Variants in KPNA3 observed in about 807,000 individuals in gnomAD.
KPNA3 encodes karyopherin subunit alpha 3, also known as importin subunit alpha-4.
A neutral mutation model predicts 73.8 loss-of-function variants in KPNA3; 13 were observed. The observed-to-expected ratio is 0.18, with a 90% CI of 0.11 to 0.28. KPNA3 has a LOEUF of 0.28. Among genes scored for constraint, KPNA3 ranks in the 10% least tolerant of loss-of-function variants. KPNA3 has a pLI of 1.00. For missense variants in KPNA3, 360 were observed against 618.1 expected (o/e 0.58, Z 4.43); for synonymous variants, 186 against 206.9 (o/e 0.90, Z 0.87).
chr13:49,734,266 C>CTCAATATAT (rs1407724806), intron 2 of KPNA3, among the ~76,000 whole-genome samples: 18 of 152,298 alleles, frequency 1.2e-4, no homozygotes, highest in African/African-American at 4.3e-4. Flanking sequence ...TTCTTTTATA[C>CTCAATATAT]TCAATATATT....
intron 1 of KPNA3, among the ~76,000 whole-genome samples, chr13:49,762,286 T>TG (rs1264509443): frequency 3.4e-5 from 5 of 147,004 alleles, no homozygotes; most frequent in Non-Finnish European, 3.0e-5. Context: ...GTCCGGGAGG[T>TG]GGGGGGTGCC....
At chr13:49,785,559 C>A (rs1473062975) in intron 1 of KPNA3, among the ~76,000 whole-genome samples, 1 of 152,126 alleles carries the variant, frequency 6.6e-6, no homozygotes, top group East Asian at 1.9e-4. Flanking sequence ...AGTCCCCGCA[C>A]ATTGAAATGA....
intron 12 of KPNA3, among the ~76,000 whole-genome samples, chr13:49,709,354 T>C (rs1238672788): frequency 1.4e-5 from 2 of 146,592 alleles, no homozygotes; most frequent in Non-Finnish European, 3.0e-5. Flanking sequence ...TGAGCCGAGA[T>C]CGTGCCACTG....
At chr13:49,776,984 T>C (rs1202467106) in intron 1 of KPNA3, among the ~76,000 whole-genome samples, 3 of 152,230 alleles carry the variant, frequency 2.0e-5, no homozygotes, top group Non-Finnish European at 2.9e-5. Context: ...TGGTTTCTAC[T>C]TTTTCTCTAC....
intron 2 of KPNA3, among the ~76,000 whole-genome samples, chr13:49,736,358 A>C (rs1197003761): frequency 6.6e-6 from 1 of 152,180 alleles, no homozygotes; most frequent in Admixed American, 6.5e-5. Flanking sequence ...GATTAAAACA[A>C]ATTTTTTAAA....
In KPNA3 at chr13:49,705,788, AC is replaced by A; in HGVS notation, c.1210-6del. 6.4e-7 allele frequency: 1 copy of A among 1,573,920 alleles called. No individual in the cohort carries two copies. The highest frequency in any genetic ancestry group is 8.6e-7 in the Non-Finnish European group (1 of 1,162,592). ...CTGCTGTACAAGGTACTCAACCTAG[AC>A]AACAAAAGAGAAGAAATATTTTTAT... is the stretch of plus-strand genomic sequence containing the variant. On this transcript the variant is annotated splice_region_variant and splice_polypyrimidine_tract_variant and intron_variant, in intron 14 of 16. Coordinates refer to ENST00000261667, the MANE Select transcript of KPNA3 (RefSeq NM_002267.4).
intron 1 of KPNA3, among the ~76,000 whole-genome samples, chr13:49,750,074 A>G (rs1037351368): frequency 2.6e-5 from 4 of 152,310 alleles, no homozygotes; most frequent in Non-Finnish European, 5.9e-5. Context: ...TCTATAAGTC[A>G]TTCACCCATT....
At chr13:49,719,721 C>G (rs1478507182) in intron 10 of KPNA3, 54 bp downstream of exon 10, 5 of 1,209,686 alleles carry the variant, frequency 4.1e-6, no homozygotes, top group African/African-American at 1.5e-5. Flanking sequence ...ACATAAAAAC[C>G]CTTTCTGTCC....
chr13:49,732,281 C>G, intron 6 of KPNA3, 90 bp downstream of exon 6: 2 of 568,462 alleles, frequency 3.5e-6, no homozygotes, highest in South Asian at 3.1e-5. Flanking sequence ...ATCATAAGTA[C>G]AAAACCAAAC....
At chr13:49,748,678 CA>C (rs1346770860) in intron 1 of KPNA3, among the ~76,000 whole-genome samples, 1 of 151,876 alleles carries the variant, frequency 6.6e-6, no homozygotes, top group East Asian at 1.9e-4. Flanking sequence ...TAAATAGAAA[CA>C]AAACTGCCAA....
chr13:49,710,900 G>C lies in KPNA3; in HGVS notation c.894C>G (p.Val298=), dbSNP rs750022281. The C allele has an allele frequency of 1.2e-6, 2 of 1,611,996 alleles. No individual in the cohort carries two copies. The highest frequency in any genetic ancestry group is 1.7e-6 in the Non-Finnish European group (2 of 1,179,442). Residue 298 remains valine, a synonymous_variant, in exon 11 of 17, where the codon GTC becomes GTG. Transcript: ENST00000261667. ...FLVPLLSHQE[V]KVQTAALRAV... ...ATTTAAAAATACTTACTTGAACTTT[G>C]ACTTCCTGATGGCTCAGAAGGGGCA...
At chr13:49,774,393 C>A (rs1264099533) in intron 1 of KPNA3, among the ~76,000 whole-genome samples, 1 of 152,184 alleles carries the variant, frequency 6.6e-6, no homozygotes, top group Non-Finnish European at 1.5e-5. Flanking sequence ...AACACCTAGG[C>A]CTGGATGTCC....
chr13:49,710,240 C>T (rs1261993408), intron 11 of KPNA3, among the ~76,000 whole-genome samples: 4 of 152,132 alleles, frequency 2.6e-5, no homozygotes, highest in East Asian at 1.9e-4. Flanking sequence ...CCAGCTTGGG[C>T]GACAGAACAA....
Position 49,718,964 on chromosome 13 carries a change from T to C in KPNA3, c.771+811A>G, listed in dbSNP as rs571887062. ...TATGTATGTACATGTTATGTGTATG[T>C]AGATAAAGATTACAAAAACACAAAT... On this transcript the variant is annotated intron_variant, in intron 10 of 16. Transcript: ENST00000261667. 2.7e-4 allele frequency among the ~76,000 whole-genome samples: 11 copies of C among 40,452 alleles called. No individual in the cohort carries two copies. In the South Asian group the frequency reaches 0.016, roughly 59 times the overall value. 26.5% of individuals were successfully genotyped at this position (40,452 alleles called of 152,430 possible). A position where few individuals can be genotyped will look rare whatever the true frequency, so the allele number is the denominator to read the frequency against.
At chr13:49,709,022 G>C (rs1594429568) in intron 12 of KPNA3, among the ~76,000 whole-genome samples, 1 of 152,236 alleles carries the variant, frequency 6.6e-6, no homozygotes, top group East Asian at 1.9e-4. Context: ...TTGTTGCTAT[G>C]CTCAGTCTAC....
chr13:49,740,904 G>A (rs959968511), intron 2 of KPNA3, among the ~76,000 whole-genome samples: 5 of 151,210 alleles, frequency 3.3e-5, no homozygotes, highest in African/African-American at 1.2e-4. Flanking sequence ...TGTGATACTT[G>A]CCTTGTTTGC....
chr13:49,723,415 T>G (rs1456781030), intron 7 of KPNA3, among the ~76,000 whole-genome samples: 1 of 151,398 alleles, frequency 6.6e-6, no homozygotes, highest in African/African-American at 2.4e-5. Context: ...ACTAAAAATA[T>G]AAAAATTAGC....
intron 2 of KPNA3, among the ~76,000 whole-genome samples, chr13:49,746,178 T>C (rs889637896): frequency 6.6e-6 from 1 of 151,898 alleles, no homozygotes; most frequent in Non-Finnish European, 1.5e-5. Flanking sequence ...AAAACACAAT[T>C]TGGGCCAGGC....
At chr13:49,768,715 T>G (rs1267987856) in intron 1 of KPNA3, among the ~76,000 whole-genome samples, 2 of 152,118 alleles carry the variant, frequency 1.3e-5, no homozygotes, top group African/African-American at 4.8e-5. Context: ...GTTAATGTTC[T>G]ACCTACTAAA....
Sources: gnomAD v4.1 joint callset for allele counts (sites outside exome capture counted in the v4.1 genomes callset) on GRCh38, gnomAD v4.1.1 for gene constraint, MANE v1.5 for transcripts, NCBI Gene and HGNC (gene_info 2026-07-23, HGNC 2026-07-21) for gene names.